Variants in BAZ1A observed in about 807,000 individuals in gnomAD.
The protein encoded by BAZ1A is bromodomain adjacent to zinc finger domain 1A.
A neutral mutation model predicts 185.2 loss-of-function variants in BAZ1A; 50 were observed. That is an observed-to-expected ratio of 0.27 (90% CI 0.22 to 0.34). BAZ1A has a LOEUF of 0.34. Among genes scored for constraint, BAZ1A ranks in the 10% least tolerant of loss-of-function variants. The pLI, the probability that BAZ1A is intolerant of heterozygous loss-of-function variation, is 1.00. For missense variants in BAZ1A, 1,356 were observed against 1,839.9 expected (o/e 0.74, Z 4.81); for synonymous variants, 571 against 615.6 (o/e 0.93, Z 1.07).
At chr14:34,759,184 T>TTGTTTTTTTTTG in intron 24 of BAZ1A, among the ~76,000 whole-genome samples, 1 of 108,108 alleles carries the variant, frequency 9.3e-6, no homozygotes, top group South Asian at 3.7e-4. Flanking sequence ...TTTTTTTTTT[T>TTGTTTTTTTTTG]TTTTTTTTTT....
At chr14:34,824,816 G>A (rs2042142312) in intron 4 of BAZ1A, among the ~76,000 whole-genome samples, 1 of 152,184 alleles carries the variant, frequency 6.6e-6, no homozygotes, top group African/African-American at 2.4e-5. Context: ...TTATGGTACT[G>A]TTCACTAAAA....
chr14:34,819,924 C>T (rs2042061253), intron 4 of BAZ1A, among the ~76,000 whole-genome samples: 1 of 152,180 alleles, frequency 6.6e-6, no homozygotes, highest in Non-Finnish European at 1.5e-5. Context: ...CACATGCTCA[C>T]TAGCATTTGG....
At chr14:34,860,788 C>T (rs891418022) in intron 3 of BAZ1A, among the ~76,000 whole-genome samples, 2 of 151,824 alleles carry the variant, frequency 1.3e-5, no homozygotes, top group East Asian at 1.9e-4. Context: ...ATCCCAGCTA[C>T]TCAGGAGGCT....
chr14:34,806,217 A>G (rs1184960062), intron 6 of BAZ1A, among the ~76,000 whole-genome samples: 3 of 152,092 alleles, frequency 2.0e-5, no homozygotes, highest in Non-Finnish European at 4.4e-5. Context: ...AAACATTTAT[A>G]TACAGTGAAA....
intron 23 of BAZ1A, among the ~76,000 whole-genome samples, chr14:34,763,660 C>A (rs1878594913): frequency 2.0e-5 from 3 of 152,114 alleles, no homozygotes; most frequent in Admixed American, 2.0e-4. Context: ...CTGCATCAAG[C>A]AAGTTTATTG....
chr14:34,859,859 T>C (rs1255530325), intron 3 of BAZ1A, among the ~76,000 whole-genome samples: 1 of 152,150 alleles, frequency 6.6e-6, no homozygotes, highest in Admixed American at 6.6e-5. Context: ...GTCTCCAGTC[T>C]TTGGAGGAGT....
intron 4 of BAZ1A, among the ~76,000 whole-genome samples, chr14:34,820,122 GTTTTTTT>G (rs59706713): frequency 1.2e-5 from 1 of 80,662 alleles, no homozygotes; most frequent in African/African-American, 5.1e-5. Flanking sequence ...TGGGTTCCTC[GTTTTTTT>G]TTTTTTTTTT....
chr14:34,812,395 AG>A (rs2041942771), intron 4 of BAZ1A, among the ~76,000 whole-genome samples: 1 of 152,238 alleles, frequency 6.6e-6, no homozygotes, highest in African/African-American at 2.4e-5. Context: ...GAGATGTAGC[AG>A]CAGTGCCAGA....
intron 7 of BAZ1A, 146 bp downstream of exon 7, chr14:34,802,708 A>AT (rs1387269581): frequency 1.1e-5 from 9 of 798,448 alleles, no homozygotes; most frequent in Non-Finnish European, 1.7e-5. Context: ...AGTTATCAAC[A>AT]TATAGTACAC....
chr14:34,796,522 A>G (rs534445976), intron 9 of BAZ1A, among the ~76,000 whole-genome samples: 1 of 152,354 alleles, frequency 6.6e-6, no homozygotes, highest in Admixed American at 6.5e-5. Flanking sequence ...AACAATAATT[A>G]AAAGCAACAA....
intron 4 of BAZ1A, among the ~76,000 whole-genome samples, chr14:34,824,652 C>T (rs1023282760): frequency 3.3e-5 from 5 of 152,160 alleles, no homozygotes; most frequent in Admixed American, 3.3e-4. Context: ...AGTCAATTCT[C>T]AAATGCTAGT....
chr14:34,762,763 C>T (rs959469200), intron 23 of BAZ1A, among the ~76,000 whole-genome samples: 3 of 152,180 alleles, frequency 2.0e-5, no homozygotes, highest in Admixed American at 6.5e-5. Flanking sequence ...AGCCACCGTG[C>T]CCAGTCCATA....
chr14:34,816,986 G>A, intron 4 of BAZ1A: 1 of 199,710 alleles, frequency 5.0e-6, no homozygotes, highest in South Asian at 5.9e-5. Context: ...ACATTACTGG[G>A]CCAATTCTTG....
In BAZ1A at chr14:34,794,754, G is replaced by T; in HGVS notation, c.1358C>A (p.Thr453Asn). 1 of 1,613,246 alleles carries T rather than the reference G, an allele frequency of 6.2e-7. No homozygotes were observed. The highest frequency in any genetic ancestry group is 1.1e-5 in the South Asian group (1 of 90,890). ...DLQDEFPDGV[T>N]LEVLEEALVG... The stretch of plus-strand genomic sequence containing the variant: ...TAGATAACTAAAGCACTTGCCTAGG[G>T]TTACTCCATCAGGAAACTCATCTTG... The change falls in exon 11 of 27, where the codon ACC becomes AAC. Residue 453 changes from threonine to asparagine, a missense_variant. By Grantham distance (65) the Thr-to-Asn change is moderately conservative (BLOSUM62 0). Coordinates refer to ENST00000360310, the MANE Select transcript of BAZ1A (RefSeq NM_013448.3).
At chr14:34,758,641 A>G in intron 25 of BAZ1A, 63 bp downstream of exon 25, 1 of 1,536,512 alleles carries the variant, frequency 6.5e-7, no homozygotes, top group Non-Finnish European at 8.9e-7. Context: ...ACTACTTCAA[A>G]GTTATCACGT....
At position 34,767,451 on chromosome 14, in the gene BAZ1A, G is replaced by A. The variant is rs182969204; in HGVS notation, c.3302-2183C>T. On this transcript the variant is annotated intron_variant, in intron 21 of 26. Coordinates refer to ENST00000360310, the MANE Select transcript of BAZ1A (RefSeq NM_013448.3). ...TGTAGTCCCAGCTACTTTGGAGGCCGAGGCAGGAGAATTGCTTGAACCCAG... is the reference window on the plus strand; with the variant it reads ...TGTAGTCCCAGCTACTTTGGAGGCCAAGGCAGGAGAATTGCTTGAACCCAG... Among the ~76,000 whole-genome samples, 587 of 152,220 alleles carry A rather than the reference G, an allele frequency of 3.9e-3. 4 individuals are homozygous for A. Among genetic ancestry groups the A allele is most frequent in the African/African-American group, 0.014 (570 of 41,528 alleles).
intron 25 of BAZ1A, among the ~76,000 whole-genome samples, chr14:34,755,197 T>A (rs1264081204): frequency 2.6e-5 from 4 of 152,162 alleles, no homozygotes; most frequent in Non-Finnish European, 5.9e-5. Flanking sequence ...TTTGTAATAA[T>A]GAATAAAATG....
At chr14:34,820,251 G>A (rs1340100468) in intron 4 of BAZ1A, among the ~76,000 whole-genome samples, 2 of 147,166 alleles carry the variant, frequency 1.4e-5, no homozygotes, top group Non-Finnish European at 3.0e-5. Context: ...TCAGCCTCCC[G>A]AGTAGCTGGG....
chr14:34,859,021 T>C (rs2042727184), intron 3 of BAZ1A, among the ~76,000 whole-genome samples: 1 of 152,148 alleles, frequency 6.6e-6, no homozygotes, highest in African/African-American at 2.4e-5. Context: ...AATCAGTGTC[T>C]GGTATAAAAA....
Sources: gnomAD v4.1 joint callset for allele counts (sites outside exome capture counted in the v4.1 genomes callset) on GRCh38, gnomAD v4.1.1 for gene constraint, MANE v1.5 for transcripts, NCBI Gene and HGNC (gene_info 2026-07-23, HGNC 2026-07-21) for gene names.